RBM39: variants seen among roughly 807,000 people sequenced by gnomAD.
RBM39 encodes RNA binding motif protein 39.
A neutral mutation model predicts 79.6 loss-of-function variants in RBM39; 12 were observed. The observed-to-expected ratio is 0.15, with a 90% confidence interval of 0.10 to 0.24. The LOEUF is 0.24. Ranked by LOEUF, RBM39 falls within the 10% of genes least tolerant of loss-of-function variation. RBM39 has a pLI of 1.00. For missense variants in RBM39, 243 were observed against 653.4 expected (o/e 0.37, Z 6.85); for synonymous variants, 185 against 208.4 (o/e 0.89, Z 0.97).
intron 8 of RBM39, among the ~76,000 whole-genome samples, chr20:35,722,460 T>TTTTTTTTG (rs2038093775): frequency 7.4e-6 from 1 of 135,960 alleles, no homozygotes; most frequent in Non-Finnish European, 1.6e-5. Flanking sequence ...TTTAGAGGCT[T>TTTTTTTTG]TTTTTTTTTT....
chr20:35,729,859 C>A (rs2146673628), intron 4 of RBM39, among the ~76,000 whole-genome samples: 1 of 150,406 alleles, frequency 6.6e-6, no homozygotes, highest in Non-Finnish European at 1.5e-5. Context: ...AAAAAAAACA[C>A]ACACACACAT....
intron 2 of RBM39, chr20:35,739,452 T>G: frequency 2.1e-6 from 1 of 471,216 alleles, no homozygotes; most frequent in Non-Finnish European, 4.4e-6. Flanking sequence ...CACTATCGAT[T>G]TCCTGTGACC....
At position 35,729,382 on chromosome 20, in the gene RBM39, T is replaced by C. The variant is rs2039118056; in HGVS notation, c.363-17A>G. The C allele has an allele frequency of 6.2e-7, 1 of 1,606,046 alleles. No individual in the cohort carries two copies. The highest frequency in any genetic ancestry group is 8.5e-7 in the Non-Finnish European group (1 of 1,178,086). On this transcript the variant is annotated splice_polypyrimidine_tract_variant and intron_variant, in intron 5 of 16. Coordinates refer to ENST00000253363, the MANE Select transcript of RBM39 (RefSeq NM_184234.3). ...CGTCGTCTGCTGCAAAGTTAAAAAG[T>C]TTCAGAAGTTATCCAAACAAGTACA...
chr20:35,718,737 TG>T (rs1484102872), intron 9 of RBM39, among the ~76,000 whole-genome samples: 1 of 139,378 alleles, frequency 7.2e-6, no homozygotes, highest in Non-Finnish European at 1.5e-5. Context: ...CGCTTGAACC[TG>T]GGAGATGGGG....
intron 7 of RBM39, 111 bp from the exon 8 acceptor site, chr20:35,724,833 G>A: frequency 7.7e-7 from 1 of 1,306,462 alleles, no homozygotes. Flanking sequence ...AATTAAAAAA[G>A]TAAATCTGTA....
At chr20:35,740,083 G>A (rs892600043) in intron 2 of RBM39, 3 of 156,594 alleles carry the variant, frequency 1.9e-5, no homozygotes, top group African/African-American at 4.8e-5. Context: ...ACTATGGTAG[G>A]GCCTAATTAA....
chr20:35,740,730 G>A (rs2040410314), intron 2 of RBM39, 94 bp downstream of exon 2: 6 of 1,369,694 alleles, frequency 4.4e-6, no homozygotes, highest in African/African-American at 1.4e-5. Flanking sequence ...AAATCAAGAG[G>A]GCTCCGGGGA....
intron 4 of RBM39, 91 bp from the exon 5 acceptor site, chr20:35,729,618 T>G: frequency 1.7e-6 from 2 of 1,151,054 alleles, no homozygotes; most frequent in Middle Eastern, 2.6e-4. Context: ...TAACATTGTT[T>G]AGGCTACTGC....
intron 9 of RBM39, among the ~76,000 whole-genome samples, chr20:35,720,278 G>T (rs1431619807): frequency 1.3e-5 from 2 of 152,102 alleles, no homozygotes; most frequent in African/African-American, 2.4e-5. Context: ...AAGTCCTCTA[G>T]AACAAAAGCC....
rs1396541483 is a variant in RBM39 at position 35,703,764 on chromosome 20, G to A, written c.*717C>T. 6.6e-6 allele frequency: 1 copy of A among 152,544 alleles called. No homozygotes were observed. Among genetic ancestry groups the A allele is most frequent in the Non-Finnish European group, 1.5e-5 (1 of 68,034 alleles). 9.4% of individuals were successfully genotyped at this position (152,544 alleles called of 1,614,324 possible). On this transcript the variant is annotated 3_prime_UTR_variant, in exon 17 of 17. Coordinates refer to ENST00000253363, the MANE Select transcript of RBM39 (RefSeq NM_184234.3). ...GCTCACAGAGCTTAAAAAGAGCAAA[G>A]ATTATATGCAACCAGACAAAACCTA...
chr20:35,710,947 T>C (rs1324646860), intron 12 of RBM39, among the ~76,000 whole-genome samples: 1 of 152,152 alleles, frequency 6.6e-6, no homozygotes, highest in Non-Finnish European at 1.5e-5. Context: ...TTTAGGATTT[T>C]AGCTGGCTAC....
intron 15 of RBM39, 181 bp downstream of exon 15, chr20:35,705,044 T>G (rs1471488576): frequency 8.3e-6 from 5 of 599,350 alleles, no homozygotes; most frequent in East Asian, 2.9e-5. Context: ...CTGATCAAAT[T>G]GTTACTGATT....
At position 35,715,825 on chromosome 20, in the gene RBM39, CCTG is replaced by C. The variant is rs898992944; in HGVS notation, c.891+912_891+914del. On this transcript the variant is annotated intron_variant, in intron 10 of 16. Transcript: ENST00000253363. ...CTCATGAATGGCTTGGTGCACTCCC[CCTG>C]CTAATAGGCGAGGGTCCTTGCTCTG... is the stretch of plus-strand genomic sequence containing the variant. 4.3e-4 allele frequency among the ~76,000 whole-genome samples: 65 copies of C among 152,210 alleles called. 1 individual carries two copies. Among genetic ancestry groups the C allele is most frequent in the African/African-American group, 1.5e-3 (61 of 41,524 alleles).
chr20:35,723,908 G>A (rs927689717), intron 8 of RBM39, among the ~76,000 whole-genome samples: 1 of 152,144 alleles, frequency 6.6e-6, no homozygotes, highest in African/African-American at 2.4e-5. Flanking sequence ...GGGAGTGGTG[G>A]CACGCACCTG....
chr20:35,708,203 A>G lies in RBM39; in HGVS notation c.1226-1002T>C, dbSNP rs1217696349. Among the ~76,000 whole-genome samples, 3 of 152,104 alleles carry G rather than the reference A, an allele frequency of 2.0e-5. No individual in the cohort carries two copies. The South Asian group carries it at 6.2e-4, about 32-fold the overall frequency. ...ATTTTAAATAAAACAAAATTTTAAT[A>G]TAACATGTCAAATTCTGCTGGAAAA... is the stretch of plus-strand genomic sequence containing the variant. On this transcript the variant is annotated intron_variant, in intron 13 of 16. Transcript: ENST00000253363.
chr20:35,727,044 C>G (rs886297913), intron 6 of RBM39, among the ~76,000 whole-genome samples: 3 of 152,032 alleles, frequency 2.0e-5, no homozygotes, highest in Non-Finnish European at 4.4e-5. Context: ...TCAGGCTGGT[C>G]TCGATATCCT....
intron 14 of RBM39, among the ~76,000 whole-genome samples, chr20:35,706,538 G>A (rs938541228): frequency 1.3e-5 from 2 of 150,462 alleles, no homozygotes; most frequent in African/African-American, 4.9e-5. Context: ...TTGATTGGAT[G>A]TACTATATTA....
chr20:35,740,655 A>G (rs544723115), intron 2 of RBM39, 169 bp downstream of exon 2: 30 of 1,317,120 alleles, frequency 2.3e-5, no homozygotes, highest in Non-Finnish European at 2.9e-5. Context: ...CTACTGCACA[A>G]TATTATTACA....
At chr20:35,733,997 A>T (rs1384336047) in intron 3 of RBM39, among the ~76,000 whole-genome samples, 1 of 152,254 alleles carries the variant, frequency 6.6e-6, no homozygotes, top group African/African-American at 2.4e-5. Flanking sequence ...TTATTCCACG[A>T]AAATGTCTAT....
Sources: allele counts gnomAD v4.1 joint callset (sites outside exome capture counted in the v4.1 genomes callset), GRCh38; gene constraint gnomAD v4.1.1; transcripts MANE v1.5; gene names NCBI Gene and HGNC (gene_info 2026-07-23, HGNC 2026-07-21).